Variants in GYPC observed in about 807,000 individuals in gnomAD.
GYPC encodes the protein glycophorin-C.
Under a neutral mutation model 12.6 loss-of-function variants are expected in GYPC, and 14 were observed. The ratio of observed to expected loss-of-function variants is 1.11; its 90% CI spans 0.74 to 1.74. The LOEUF (loss-of-function observed/expected upper bound fraction) is 1.74. Ranked by LOEUF, GYPC falls within the 40% of genes most tolerant of loss-of-function variation. The probability of loss-of-function intolerance (pLI) is 0.00; values close to 1 mark genes in which losing one functional copy is unlikely to be tolerated. For missense variants in GYPC, 225 were observed against 172.1 expected, an observed-to-expected ratio of 1.31 and a Z score of -1.72; for synonymous variants, 78 against 62.1, an observed-to-expected ratio of 1.26 and a Z score of -1.20.
chr2:126,660,642 C>T (rs1433435928), intron 1 of GYPC, among the ~76,000 whole-genome samples: 2 of 152,178 alleles, frequency 1.3e-5, no homozygotes, highest in Non-Finnish European at 2.9e-5. Flanking sequence ...GTTTGCTGAG[C>T]CACTTTGAGG....
chr2:126,692,155 G>C (rs1683489557), intron 2 of GYPC, among the ~76,000 whole-genome samples: 1 of 152,104 alleles, frequency 6.6e-6, no homozygotes, highest in Non-Finnish European at 1.5e-5. Context: ...TCTTGCTACT[G>C]AGAAACACCG....
At chr2:126,666,708 T>A in intron 1 of GYPC, among the ~76,000 whole-genome samples, 4 of 118,540 alleles carry the variant, frequency 3.4e-5, no homozygotes, top group Admixed American at 8.4e-5. Flanking sequence ...CCTCCCTCCC[T>A]ACACACACAC....
In GYPC at chr2:126,696,049, C is replaced by T. The variant is rs749038724; in HGVS notation, c.294C>T (p.Gly98=). 1 of 1,614,122 alleles carries T rather than the reference C, an allele frequency of 6.2e-7. No individual in the cohort carries two copies. The highest frequency in any genetic ancestry group is 8.5e-7 in the Non-Finnish European group (1 of 1,179,926). Residue 98 remains glycine, a synonymous_variant, in exon 4 of 4, where the codon GGC becomes GGT. Coordinates refer to ENST00000259254, the MANE Select transcript of GYPC (RefSeq NM_002101.5). ...CGTACCACACCAATGAGGCCAAGGG[C>T]ACGGAGTTTGCTGAGAGTGCAGATG... is the stretch of plus-strand genomic sequence containing the variant. ...KGTYHTNEAK[G]TEFAESADAA...
intron 1 of GYPC, among the ~76,000 whole-genome samples, chr2:126,687,460 G>T (rs946953709): frequency 6.6e-6 from 1 of 152,192 alleles, no homozygotes; most frequent in Non-Finnish European, 1.5e-5. Flanking sequence ...GAGAATTGCT[G>T]TCTCACAGCA....
intron 3 of GYPC, among the ~76,000 whole-genome samples, chr2:126,694,855 C>T (rs1450525292): frequency 1.3e-5 from 2 of 151,472 alleles, no homozygotes; most frequent in East Asian, 3.9e-4. Context: ...CAAAACACCC[C>T]CACCCCATGA....
chr2:126,692,998 T>C (rs1683519797), intron 2 of GYPC, among the ~76,000 whole-genome samples: 1 of 152,150 alleles, frequency 6.6e-6, no homozygotes, highest in South Asian at 2.1e-4. Context: ...GAAGACTGCA[T>C]GATAGAGTAG....
chr2:126,666,708 T>TACACACACACACACAC (rs67904410), intron 1 of GYPC, among the ~76,000 whole-genome samples: 25 of 118,542 alleles, frequency 2.1e-4, no homozygotes, highest in Non-Finnish European at 4.1e-4. Flanking sequence ...CCTCCCTCCC[T>TACACACACACACACAC]ACACACACAC....
chr2:126,690,454 G>T (rs36134089), intron 2 of GYPC, 143 bp downstream of exon 2: 75 of 720,850 alleles, frequency 1.0e-4, no homozygotes, highest in South Asian at 7.2e-4. Flanking sequence ...ACTTGGACAG[G>T]GGTGGCTGTG....
intron 1 of GYPC, among the ~76,000 whole-genome samples, chr2:126,675,456 C>T (rs1390540746): frequency 6.6e-6 from 1 of 152,166 alleles, no homozygotes; most frequent in East Asian, 1.9e-4. Flanking sequence ...ACCCCAAATT[C>T]TCAGACCGCC....
intron 1 of GYPC, among the ~76,000 whole-genome samples, chr2:126,656,550 C>CGAGCTG (rs1682362754): frequency 6.6e-6 from 1 of 152,262 alleles, no homozygotes; most frequent in Admixed American, 6.5e-5. Flanking sequence ...CCACGCGCTC[C>CGAGCTG]GAGCTGGAGA....
At chr2:126,693,809 G>C in intron 2 of GYPC, 55 bp from the exon 3 acceptor site, 7 of 1,197,222 alleles carry the variant, frequency 5.8e-6, no homozygotes, top group Non-Finnish European at 8.8e-6. Flanking sequence ...CCAAGGTGCT[G>C]CTAGGCATGG....
chr2:126,657,295 A>G (rs1256536496), intron 1 of GYPC, among the ~76,000 whole-genome samples: 1 of 152,228 alleles, frequency 6.6e-6, no homozygotes, highest in East Asian at 1.9e-4. Flanking sequence ...TGCTTGCGTC[A>G]GCCTGGGAGT....
rs28387123 is a variant in GYPC, at chr2:126,669,246, G to C, written c.49+12934G>C. ...GCAGGAAGAACAGTGCTGATGTCCAGAGCTCACTACGTGCGCAGTGTTGCC... is the reference window on the plus strand; with the variant it reads ...GCAGGAAGAACAGTGCTGATGTCCACAGCTCACTACGTGCGCAGTGTTGCC... On this transcript the variant is annotated intron_variant, in intron 1 of 3. Coordinates refer to ENST00000259254, the MANE Select transcript of GYPC (RefSeq NM_002101.5). 9.8e-3 allele frequency among the ~76,000 whole-genome samples: 1,487 copies of C among 152,240 alleles called. 29 individuals are homozygous for C. Among genetic ancestry groups the C allele is most frequent in the African/African-American group, 0.034 (1,395 of 41,524 alleles).
Position 126,695,377 on chromosome 2 carries a change from G to A in GYPC, c.191-569G>A, listed in dbSNP as rs377683643. ...AAGAAAAGGGAGGGAAGGAAGGAGA[G>A]GAGGGAAGAGGAAAGGAGAATCATT... On this transcript the variant is annotated intron_variant, in intron 3 of 3. Transcript: ENST00000259254. Among the ~76,000 whole-genome samples the A allele has an allele frequency of 4.8e-4, 73 of 152,260 alleles. No individual in the cohort carries two copies. In the East Asian group the frequency reaches 0.01, roughly 22 times the overall value.
chr2:126,683,363 G>A (rs28387183), intron 1 of GYPC, among the ~76,000 whole-genome samples: 2,982 of 152,196 alleles, frequency 0.02, 102 homozygotes, highest in African/African-American at 0.068. Flanking sequence ...AACTACAAAT[G>A]CTGCACCATC....
At chr2:126,688,905 T>C (rs1182313876) in intron 1 of GYPC, among the ~76,000 whole-genome samples, 7 of 152,228 alleles carry the variant, frequency 4.6e-5, no homozygotes, top group Admixed American at 4.6e-4. Context: ...TTCTCTGTTT[T>C]ATTATGTAGA....
intron 1 of GYPC, among the ~76,000 whole-genome samples, chr2:126,683,057 C>G (rs1246255713): frequency 6.6e-6 from 1 of 152,200 alleles, no homozygotes; most frequent in Non-Finnish European, 1.5e-5. Flanking sequence ...ATGGCTCATG[C>G]CTGTAATCCC....
intron 1 of GYPC, chr2:126,679,799 A>T (rs1431956076): frequency 6.6e-6 from 1 of 152,214 alleles, no homozygotes; most frequent in Non-Finnish European, 1.5e-5. Flanking sequence ...GCTTCAATCC[A>T]GGAGGCGGAG....
In GYPC at chr2:126,681,688, C is replaced by T. The variant is rs74538444; in HGVS notation, c.50-8567C>T. ...CAATGGGGCTACACTGTTGTGCCAC[C>T]GGGTTTTACATGTGAAGAAACCATG... On this transcript the variant is annotated intron_variant, in intron 1 of 3. Transcript: ENST00000259254. Among the ~76,000 whole-genome samples, 621 of 151,392 alleles carry T rather than the reference C, an allele frequency of 4.1e-3. 28 individuals carry two copies. In the East Asian group the frequency reaches 0.098, roughly 24 times the overall value.
Sources: allele counts gnomAD v4.1 joint callset (sites outside exome capture counted in the v4.1 genomes callset), GRCh38; gene constraint gnomAD v4.1.1; transcripts MANE v1.5; gene names NCBI Gene and HGNC (gene_info 2026-07-23, HGNC 2026-07-21).